Variants in RORA observed in about 807,000 individuals in gnomAD.
RORA encodes the protein RAR related orphan receptor A.
In RORA, 7 loss-of-function variants were observed where a neutral mutation model predicts 69.5. The ratio of observed to expected loss-of-function variants is 0.10; its 90% CI spans 0.06 to 0.19. The LOEUF is 0.19. Among genes scored for constraint, RORA ranks in the 10% least tolerant of loss-of-function variants. The pLI is 1.00. For synonymous variants in RORA, 261 were observed against 240.8 expected, an observed-to-expected ratio of 1.08 and a Z score of -0.78; for missense variants, 457 against 663.0, an observed-to-expected ratio of 0.69 and a Z score of 3.41.
intron 1 of RORA, among the ~76,000 whole-genome samples, chr15:60,908,172 T>C (rs1891599640): frequency 6.6e-6 from 1 of 152,248 alleles, no homozygotes; most frequent in Non-Finnish European, 1.5e-5. Flanking sequence ...GGCCTGCCTC[T>C]GAGTCAGGGC....
Position 60,497,377 on chromosome 15 carries a change from A to C in RORA, c.*78T>G, listed in dbSNP as rs2065193922. 7.5e-7 allele frequency: 1 copy of C among 1,338,334 alleles called. No homozygotes were observed. The highest frequency in any genetic ancestry group is 1.1e-6 in the Non-Finnish European group (1 of 946,806). 82.9% of individuals were successfully genotyped at this position (1,338,334 alleles called of 1,614,324 possible). A position where few individuals can be genotyped will look rare whatever the true frequency, so the allele number is the denominator to read the frequency against. ...GCTCCAGGTCTGTGCAGGGCCATAT[A>C]AAGTGTCTCGGTTAATTTTTTTGTT... On this transcript the variant is annotated 3_prime_UTR_variant, in exon 11 of 11. Coordinates refer to ENST00000335670, the MANE Select transcript of RORA (RefSeq NM_134261.3).
At chr15:60,666,166 ATTTTTTTT>A (rs142176178) in intron 2 of RORA, among the ~76,000 whole-genome samples, 4 of 135,568 alleles carry the variant, frequency 3.0e-5, no homozygotes, top group Non-Finnish European at 6.3e-5. Context: ...TACAAAGATA[ATTTTTTTT>A]TTTTTTTTTT....
intron 1 of RORA, among the ~76,000 whole-genome samples, chr15:61,006,029 C>A (rs1338647335): frequency 6.6e-6 from 1 of 151,968 alleles, no homozygotes; most frequent in Admixed American, 6.6e-5. Flanking sequence ...AGTGCAGTGG[C>A]GCGATCTTGG....
At chr15:60,820,714 G>A (rs766983826) in intron 1 of RORA, among the ~76,000 whole-genome samples, 2 of 152,174 alleles carry the variant, frequency 1.3e-5, no homozygotes, top group African/African-American at 2.4e-5. Flanking sequence ...CCCCTAAACC[G>A]TAAAAACGGC....
chr15:60,678,674 G>T lies in RORA; in HGVS notation c.179C>A (p.Thr60Lys). 1 of 1,612,246 alleles carries T rather than the reference G, an allele frequency of 6.2e-7. No homozygotes were observed. Among genetic ancestry groups the T allele is most frequent in the Non-Finnish European group, 8.5e-7 (1 of 1,178,378 alleles). Residue 60 changes from threonine (T) to lysine (K), a missense_variant, in exon 2 of 11, where the codon ACG becomes AAG. Coordinates refer to ENST00000335670, the MANE Select transcript of RORA (RefSeq NM_134261.3). ...YSSTSRGISVTKKTHTSQIEI... is the reference protein window; with the variant it reads ...YSSTSRGISVKKKTHTSQIEI... ...TTACTTACATGTATGTGTCTTCTTC[G>T]TTACTGAGATACCTGGAAGAGAAGA... is the stretch of plus-strand genomic sequence containing the variant.
chr15:60,491,643 G>A lies in RORA; in HGVS notation c.*5812C>T, dbSNP rs2065042937. 6.6e-6 allele frequency: 1 copy of A among 151,100 alleles called. No individual in the cohort carries two copies. Among genetic ancestry groups the A allele is most frequent in the African/African-American group, 2.4e-5 (1 of 41,016 alleles). 9.4% of individuals were successfully genotyped at this position (151,100 alleles called of 1,614,324 possible). A position where few individuals can be genotyped will look rare whatever the true frequency, so the allele number is the denominator to read the frequency against. On this transcript the variant is annotated 3_prime_UTR_variant, in exon 11 of 11. Transcript: ENST00000335670. ...CCCCGCCCATCTAGGATGGCTACTT[G>A]GTGTGAAGTCAGGCTTCTGGATTCT...
intron 1 of RORA, among the ~76,000 whole-genome samples, chr15:61,092,780 T>C (rs1213105887): frequency 1.3e-5 from 2 of 152,176 alleles, no homozygotes; most frequent in Non-Finnish European, 2.9e-5. Context: ...ATACACAGAA[T>C]GGTGAGTCCT....
At chr15:60,983,912 A>G (rs1185137722) in intron 1 of RORA, among the ~76,000 whole-genome samples, 1 of 152,190 alleles carries the variant, frequency 6.6e-6, no homozygotes, top group Admixed American at 6.5e-5. Context: ...TTCAGAATAA[A>G]TCTCTTCAAA....
intron 2 of RORA, among the ~76,000 whole-genome samples, chr15:60,532,813 G>A (rs999795938): frequency 2.0e-5 from 3 of 152,088 alleles, no homozygotes; most frequent in Admixed American, 6.5e-5. Flanking sequence ...GTGTCATTAC[G>A]CTAAATTCAT....
Position 61,229,188 on chromosome 15 carries a change from C to A in RORA, c.31G>T (p.Ala11Ser), listed in dbSNP as rs1293286459. The change falls in exon 1 of 11, where the codon GCC becomes TCC. Residue 11 changes from alanine (A) to serine (S), a missense_variant. Physicochemically the swap from Ala to Ser is moderately conservative, Grantham distance 99. Coordinates refer to ENST00000335670, the MANE Select transcript of RORA (RefSeq NM_134261.3). MESAPAAPDP[A>S]ASEPGSSGAD... The stretch of plus-strand genomic sequence containing the variant: ...CCGCTGCTGCCTGGCTCGCTGGCGG[C>A]GGGGTCGGGGGCTGCCGGAGCTGAC... The A allele has an allele frequency of 1.3e-6, 2 of 1,553,094 alleles. No individual in the cohort carries two copies. Among genetic ancestry groups the A allele is most frequent in the Non-Finnish European group, 1.7e-6 (2 of 1,151,528 alleles).
At chr15:60,763,729 T>A (rs1349317040) in intron 1 of RORA, among the ~76,000 whole-genome samples, 1 of 152,178 alleles carries the variant, frequency 6.6e-6, no homozygotes, top group East Asian at 1.9e-4. Flanking sequence ...GACTGGCCCA[T>A]TCAGGAGCCC....
At position 60,537,221 on chromosome 15, in the gene RORA, A is replaced by G. The variant is rs1193692899; in HGVS notation, c.197-5370T>C. Among the ~76,000 whole-genome samples the G allele has an allele frequency of 6.6e-6, 1 of 152,206 alleles. No individual in the cohort carries two copies. Among genetic ancestry groups the G allele is most frequent in the African/African-American group, 2.4e-5 (1 of 41,454 alleles). On this transcript the variant is annotated intron_variant, in intron 2 of 10. Transcript: ENST00000335670. The surrounding 1 kb of genome is among the most constrained non-coding windows in gnomAD (Gnocchi z 4.9). ...GGGACTTCAGGAGCACCAGGCTTCT[A>G]GAATTTTGTGGCCCCCTTGTTTCAG...
rs1025598676 is a variant in RORA, at chr15:60,496,206, A to G, written c.*1249T>C. 5 of 152,214 alleles carry G rather than the reference A, an allele frequency of 3.3e-5. No homozygotes were observed. Among genetic ancestry groups the G allele is most frequent in the African/African-American group, 1.2e-4 (5 of 41,454 alleles). The allele number at this position is 152,214 out of a possible 1,614,324, so 9.4% of individuals were successfully genotyped here. ...TAAACTCATAGGGTTCCTAGATTATACCAAGAACATAAACATTCACAAAGT... is the reference window on the plus strand; with the variant it reads ...TAAACTCATAGGGTTCCTAGATTATGCCAAGAACATAAACATTCACAAAGT... On this transcript the variant is annotated 3_prime_UTR_variant, in exon 11 of 11. Coordinates refer to ENST00000335670, the MANE Select transcript of RORA (RefSeq NM_134261.3). The surrounding 1 kb of genome is among the most constrained non-coding windows in gnomAD (Gnocchi z 4.5).
At chr15:60,641,654 G>A (rs1054190926) in intron 2 of RORA, among the ~76,000 whole-genome samples, 17 of 151,808 alleles carry the variant, frequency 1.1e-4, no homozygotes, top group African/African-American at 3.9e-4. Flanking sequence ...CAGGTGATCC[G>A]CCCGCCTCAG....
chr15:60,889,116 A>G lies in RORA; in HGVS notation c.167-210430T>C, dbSNP rs563828986. On this transcript the variant is annotated intron_variant, in intron 1 of 10. Coordinates refer to ENST00000335670, the MANE Select transcript of RORA (RefSeq NM_134261.3). Reference sequence around the variant, plus strand: ...GTGCTCAGGGTCAGAGTTGCCTCCCATGTCGCACACTTATGCTGTGTTTAC... The same window carrying G: ...GTGCTCAGGGTCAGAGTTGCCTCCCGTGTCGCACACTTATGCTGTGTTTAC... Among the ~76,000 whole-genome samples the G allele has an allele frequency of 9.9e-5, 15 of 152,268 alleles. No homozygotes were observed. In the South Asian group the frequency reaches 2.9e-3, roughly 29 times the overall value.
chr15:60,701,074 C>G (rs924459068), intron 1 of RORA, among the ~76,000 whole-genome samples: 1 of 152,206 alleles, frequency 6.6e-6, no homozygotes, highest in Non-Finnish European at 1.5e-5. Flanking sequence ...ACTTACCATT[C>G]TCTTGTTTAC....
rs368969458 is a variant in RORA, at chr15:60,996,076, T to G, written c.166+232977A>C. Among the ~76,000 whole-genome samples the G allele has an allele frequency of 4.1e-3, 411 of 100,176 alleles. 3 individuals are homozygous for G. The highest frequency in any genetic ancestry group is 0.012 in the African/African-American group (390 of 33,122). The allele number at this position is 100,176 out of a possible 152,430, so 65.7% of individuals were successfully genotyped here. On this transcript the variant is annotated intron_variant, in intron 1 of 10. Transcript: ENST00000335670. ...TGATCTAGATCTTGTTTTTTGTTTT[T>G]TTTTTTTTTTTTGAGATGGAGTCTC...
intron 1 of RORA, among the ~76,000 whole-genome samples, chr15:61,228,238 T>C (rs1199650921): frequency 1.3e-5 from 2 of 152,304 alleles, no homozygotes; most frequent in African/African-American, 4.8e-5. Context: ...TCCCTCCGGA[T>C]GCGCGTGGAG....
At chr15:60,894,035 C>T (rs1293171827) in intron 1 of RORA, among the ~76,000 whole-genome samples, 5 of 152,162 alleles carry the variant, frequency 3.3e-5, no homozygotes, top group Non-Finnish European at 7.3e-5. Context: ...TGCGGGAAGA[C>T]CCCATGGCCA....
Sources: gnomAD v4.1 joint callset for allele counts (sites outside exome capture counted in the v4.1 genomes callset) on GRCh38, gnomAD v4.1.1 for gene constraint, Gnocchi (gnomAD v3.1) non-coding constraint, MANE v1.5 for transcripts, NCBI Gene and HGNC (gene_info 2026-07-23, HGNC 2026-07-21) for gene names.